The following LHFPL2 variants were observed in gnomAD, a reference collection of about 807,000 sequenced individuals.
The protein encoded by LHFPL2 is LHFPL tetraspan subfamily member 2 protein.
A neutral mutation model predicts 17.5 loss-of-function variants in LHFPL2; 7 were observed. That is an observed-to-expected ratio of 0.40 (90% CI 0.23 to 0.75). The LOEUF (loss-of-function observed/expected upper bound fraction) is 0.75, where lower values mean the gene tolerates loss of function less well. LHFPL2 is among the 30% of genes least tolerant of loss of function. The pLI is 0.37. For missense variants in LHFPL2, 241 were observed against 294.8 expected, an observed-to-expected ratio of 0.82 and a Z score of 1.34; for synonymous variants, 134 against 116.2, an observed-to-expected ratio of 1.15 and a Z score of -0.99.
intron 3 of LHFPL2, among the ~76,000 whole-genome samples, chr5:78,564,384 C>T (rs2112415479): frequency 6.6e-6 from 1 of 152,216 alleles, no homozygotes; most frequent in East Asian, 1.9e-4. Flanking sequence ...TCCCACAAGC[C>T]TTCCATATGA....
chr5:78,527,219 G>A, intron 3 of LHFPL2, among the ~76,000 whole-genome samples: 1 of 152,102 alleles, frequency 6.6e-6, no homozygotes, highest in East Asian at 1.9e-4. Context: ...GCCTCAGCTG[G>A]GAAGATTAAC....
intron 4 of LHFPL2, among the ~76,000 whole-genome samples, chr5:78,498,383 T>C (rs1232481989): frequency 6.6e-6 from 1 of 152,190 alleles, no homozygotes; most frequent in Non-Finnish European, 1.5e-5. Flanking sequence ...TGGTTAATGC[T>C]CATCTGTGTG....
chr5:78,595,739 C>T (rs1226509038), intron 2 of LHFPL2, among the ~76,000 whole-genome samples: 1 of 152,150 alleles, frequency 6.6e-6, no homozygotes, highest in Non-Finnish European at 1.5e-5. Context: ...CTGTCTTGAA[C>T]TCCTGGCCTC....
chr5:78,637,549 C>T (rs1303698422), intron 1 of LHFPL2, among the ~76,000 whole-genome samples: 1 of 152,256 alleles, frequency 6.6e-6, no homozygotes, highest in Non-Finnish European at 1.5e-5. Flanking sequence ...CTCGCAGTCT[C>T]ATCCTGATAG....
At chr5:78,603,035 C>T (rs1347550899) in intron 2 of LHFPL2, among the ~76,000 whole-genome samples, 1 of 152,112 alleles carries the variant, frequency 6.6e-6, no homozygotes, top group East Asian at 1.9e-4. Flanking sequence ...GGACTACAGG[C>T]GCGTGCCACC....
intron 2 of LHFPL2, among the ~76,000 whole-genome samples, chr5:78,605,834 C>T (rs1744194507): frequency 6.6e-6 from 1 of 152,166 alleles, no homozygotes; most frequent in African/African-American, 2.4e-5. Flanking sequence ...TGTCAGCAGA[C>T]AATATTAATC....
At chr5:78,588,218 T>A (rs956013971) in intron 2 of LHFPL2, among the ~76,000 whole-genome samples, 2 of 152,248 alleles carry the variant, frequency 1.3e-5, no homozygotes, top group Non-Finnish European at 2.9e-5. Flanking sequence ...TGGCCTAGGC[T>A]GGAGTGCAGT....
At chr5:78,566,565 C>G (rs13181597) in intron 2 of LHFPL2, among the ~76,000 whole-genome samples, 58,626 of 151,728 alleles carry the variant, frequency 0.39, 11,857 homozygotes, top group Middle Eastern at 0.48. Flanking sequence ...CTGGGCGATT[C>G]TCTTGCCTCA....
At chr5:78,612,260 T>C (rs1489205213) in intron 2 of LHFPL2, among the ~76,000 whole-genome samples, 1 of 152,186 alleles carries the variant, frequency 6.6e-6, no homozygotes, top group Non-Finnish European at 1.5e-5. Context: ...TTAATGAAAA[T>C]ATAAAAATCA....
chr5:78,609,281 T>G (rs908107659), intron 2 of LHFPL2, among the ~76,000 whole-genome samples: 19 of 151,640 alleles, frequency 1.3e-4, no homozygotes, highest in African/African-American at 4.6e-4. Flanking sequence ...TGAAACCCTG[T>G]CCCTACTAAA....
chr5:78,639,654 T>G (rs983473178), intron 1 of LHFPL2, among the ~76,000 whole-genome samples: 1 of 152,156 alleles, frequency 6.6e-6, no homozygotes, highest in African/African-American at 2.4e-5. Context: ...ACAAATGTGA[T>G]TTTAGATTGT....
At chr5:78,534,785 A>C (rs1054446708) in intron 3 of LHFPL2, among the ~76,000 whole-genome samples, 3 of 152,164 alleles carry the variant, frequency 2.0e-5, no homozygotes, top group African/African-American at 7.2e-5. Context: ...AATCACAGCA[A>C]GCTCCTCCAC....
At chr5:78,532,088 C>G (rs907710162) in intron 3 of LHFPL2, among the ~76,000 whole-genome samples, 4 of 152,102 alleles carry the variant, frequency 2.6e-5, no homozygotes, top group Non-Finnish European at 5.9e-5. Context: ...CCACACCCAG[C>G]TAATTTTGTA....
chr5:78,586,731 A>T (rs753678204), intron 2 of LHFPL2, among the ~76,000 whole-genome samples: 2 of 152,234 alleles, frequency 1.3e-5, no homozygotes, highest in Non-Finnish European at 2.9e-5. Flanking sequence ...AGGGGGGAAA[A>T]AAAAGCCAAT....
chr5:78,568,043 T>C (rs549389951), intron 2 of LHFPL2, among the ~76,000 whole-genome samples: 20 of 152,314 alleles, frequency 1.3e-4, no homozygotes, highest in African/African-American at 4.6e-4. Flanking sequence ...GATCCTCTCA[T>C]GGGATGTGCT....
At chr5:78,585,793 C>A (rs1379919333) in intron 2 of LHFPL2, among the ~76,000 whole-genome samples, 1 of 152,118 alleles carries the variant, frequency 6.6e-6, no homozygotes, top group Non-Finnish European at 1.5e-5. Context: ...AAACTCACAA[C>A]AATTTTATGA....
rs1754322152 is a variant in LHFPL2 at position 78,488,430 on chromosome 5, G to A, written c.*467C>T. ...ACATCCTGTCCCCAGTAAGTTTATA[G>A]TTTTCTGTTCGTTGGAGACAACTTG... is the stretch of plus-strand genomic sequence containing the variant. On this transcript the variant is annotated 3_prime_UTR_variant, in exon 5 of 5. Transcript: ENST00000380345. 1 of 203,024 alleles carries A rather than the reference G, an allele frequency of 4.9e-6. No individual in the cohort carries two copies. Among genetic ancestry groups the A allele is most frequent in the Non-Finnish European group, 1.0e-5 (1 of 97,612 alleles). 12.6% of individuals were successfully genotyped at this position (203,024 alleles called of 1,614,324 possible). A position where few individuals can be genotyped will look rare whatever the true frequency, so the allele number is the denominator to read the frequency against.
intron 2 of LHFPL2, among the ~76,000 whole-genome samples, chr5:78,624,570 CAG>C (rs1361442191): frequency 1.3e-5 from 2 of 152,228 alleles, no homozygotes; most frequent in African/African-American, 2.4e-5. Context: ...CTCCGCAGAT[CAG>C]AGTTTGCGAA....
At chr5:78,511,325 C>G (rs1755118365) in intron 3 of LHFPL2, among the ~76,000 whole-genome samples, 1 of 152,306 alleles carries the variant, frequency 6.6e-6, no homozygotes, top group Middle Eastern at 3.4e-3. Context: ...CCCATTGTTT[C>G]TCATTTCACA....
Sources: allele counts gnomAD v4.1 joint callset (sites outside exome capture counted in the v4.1 genomes callset), GRCh38; gene constraint gnomAD v4.1.1; transcripts MANE v1.5; gene names NCBI Gene and HGNC (gene_info 2026-07-23, HGNC 2026-07-21).